Variants in CFAP47 observed in about 807,000 individuals in gnomAD.
The protein encoded by CFAP47 is cilia and flagella associated protein 47, also known as cilia- and flagella-associated protein 47.
Under a neutral mutation model 148.1 loss-of-function variants are expected in CFAP47, and 29 were observed. The ratio of observed to expected loss-of-function variants is 0.20; its 90% CI spans 0.15 to 0.27. The LOEUF is 0.27. CFAP47 is among the 10% of genes least tolerant of loss of function. The pLI, the probability that CFAP47 is intolerant of heterozygous loss-of-function variation, is 1.00. For synonymous variants in CFAP47, 664 were observed against 577.3 expected, an observed-to-expected ratio of 1.15 and a Z score of -2.15; for missense variants, 1,872 against 1,697.5, an observed-to-expected ratio of 1.10 and a Z score of -1.81.
At position 36,366,953 on chromosome X, in the gene CFAP47, T is replaced by C. The variant is rs1556020388; in HGVS notation, c.9024-13T>C. On this transcript the variant is annotated splice_polypyrimidine_tract_variant and intron_variant, in intron 61 of 63. Transcript: ENST00000378653. ...TCACGTAGTGTCATTTAAAATCTCCTTTTATATTCAAGGTCTCACATAACA... is the reference window on the plus strand; with the variant it reads ...TCACGTAGTGTCATTTAAAATCTCCCTTTATATTCAAGGTCTCACATAACA... 1.8e-6 allele frequency: 2 copies of C among 1,091,350 alleles called. No homozygotes were observed. The highest frequency in any genetic ancestry group is 2.4e-6 in the Non-Finnish European group (2 of 828,548). 89.9% of individuals were successfully genotyped at this position (1,091,350 alleles called of 1,213,427 possible).
At chrX:35,920,095 C>T in intron 1 of CFAP47, 47 bp downstream of exon 1, 1 of 1,125,521 alleles carries the variant, frequency 8.9e-7, no homozygotes, top group East Asian at 3.0e-5. Context: ...GAGAGCGCCT[C>T]CTCACACTGC....
rs1475376372 is a variant in CFAP47, at chrX:36,183,471, CTATACTAT to C, written c.6104+4052_6104+4059del. 2.7e-5 allele frequency among the ~76,000 whole-genome samples: 3 copies of C among 111,849 alleles called. No individual in the cohort carries two copies. In the Admixed American group the frequency reaches 2.8e-4, roughly 11 times the overall value. On this transcript the variant is annotated intron_variant, in intron 40 of 63. Coordinates refer to ENST00000378653, the MANE Select transcript of CFAP47 (RefSeq NM_001304548.2). ...GTATGTTATTGCAGCATGACCTAGC[CTATACTAT>C]TAACTGATACTCCTCCTCAGATTCA...
chrX:36,157,336 A>C (rs1376270181), intron 37 of CFAP47, among the ~76,000 whole-genome samples: 1 of 112,634 alleles, frequency 8.9e-6, no homozygotes, highest in East Asian at 2.8e-4. Flanking sequence ...TGTGACAGTC[A>C]CTATGATTTC....
chrX:36,317,074 C>T (rs1055408619), intron 56 of CFAP47, among the ~76,000 whole-genome samples: 1 of 112,069 alleles, frequency 8.9e-6, no homozygotes, highest in Non-Finnish European at 1.9e-5. Flanking sequence ...AGCCACTGCG[C>T]CCAGCCCTCA....
At chrX:36,230,449 A>T (rs1212400997) in intron 46 of CFAP47, among the ~76,000 whole-genome samples, 2 of 106,692 alleles carry the variant, frequency 1.9e-5, no homozygotes, top group Non-Finnish European at 3.8e-5. Flanking sequence ...CCACTTTTTG[A>T]TGGGGTTGTT....
intron 25 of CFAP47, among the ~76,000 whole-genome samples, chrX:36,041,597 G>A (rs1465181968): frequency 9.0e-6 from 1 of 111,250 alleles, no homozygotes; most frequent in Non-Finnish European, 1.9e-5. Flanking sequence ...GTCAGGAAAT[G>A]ACAGTATAGA....
chrX:36,037,338 TTTG>T (rs768498053), intron 24 of CFAP47, among the ~76,000 whole-genome samples: 7,124 of 106,087 alleles, frequency 0.067, 514 homozygotes, highest in African/African-American at 0.18. Flanking sequence ...AACTTTACTC[TTTG>T]TTGTTGTTGT....
intron 45 of CFAP47, chrX:36,211,349 C>A: frequency 3.9e-6 from 1 of 253,870 alleles, no homozygotes; most frequent in Non-Finnish European, 7.5e-6. Flanking sequence ...AAAATATATC[C>A]CTACTTAAAG....
intron 13 of CFAP47, 125 bp downstream of exon 13, chrX:35,972,090 C>A: frequency 2.2e-6 from 1 of 463,252 alleles, no homozygotes; most frequent in South Asian, 4.1e-5. Flanking sequence ...ATAAGAAGTC[C>A]TCAGAGTAGT....
At chrX:36,311,261 G>T (rs1345394602) in intron 56 of CFAP47, among the ~76,000 whole-genome samples, 2 of 110,715 alleles carry the variant, frequency 1.8e-5, no homozygotes, top group Non-Finnish European at 3.8e-5. Flanking sequence ...TAGTAGATTT[G>T]TAAGATTCTT....
At chrX:36,020,581 A>G (rs1034089054) in intron 22 of CFAP47, among the ~76,000 whole-genome samples, 1 of 112,107 alleles carries the variant, frequency 8.9e-6, no homozygotes, top group African/African-American at 3.2e-5. Context: ...CTTTATCATT[A>G]TATAGTGACC....
Position 35,983,487 on chromosome X carries a change from T to A in CFAP47, c.2714-5832T>A, listed in dbSNP as rs1411136577. On this transcript the variant is annotated intron_variant, in intron 15 of 63. Coordinates refer to ENST00000378653, the MANE Select transcript of CFAP47 (RefSeq NM_001304548.2). The stretch of plus-strand genomic sequence containing the variant: ...CTGGCTAGGACTTCTAGCACTACAC[T>A]GAATAGAAGTTGTGGGAATAGAAAT... Among the ~76,000 whole-genome samples the A allele has an allele frequency of 3.6e-5, 4 of 111,965 alleles. No homozygotes were observed. In the East Asian group the frequency reaches 1.1e-3, roughly 31 times the overall value.
chrX:36,274,926 G>A (rs782658380), intron 49 of CFAP47, among the ~76,000 whole-genome samples: 43 of 111,766 alleles, frequency 3.8e-4, no homozygotes, highest in Admixed American at 3.5e-3. Context: ...TAGAGGAAGA[G>A]CTTTCTGTCT....
intron 51 of CFAP47, among the ~76,000 whole-genome samples, chrX:36,296,340 A>G (rs934439688): frequency 1.8e-5 from 2 of 112,287 alleles, no homozygotes; most frequent in African/African-American, 6.5e-5. Context: ...CAAGACTTAT[A>G]TATGTAATAA....
chrX:36,011,999 T>C (rs1415927948), intron 21 of CFAP47, among the ~76,000 whole-genome samples: 1 of 111,677 alleles, frequency 9.0e-6, no homozygotes, highest in Non-Finnish European at 1.9e-5. Context: ...TACATTTAAG[T>C]TTTTAATCCA....
intron 57 of CFAP47, among the ~76,000 whole-genome samples, chrX:36,346,693 G>A (rs1351245828): frequency 1.8e-5 from 2 of 111,708 alleles, no homozygotes; most frequent in Non-Finnish European, 3.8e-5. Context: ...GGGTTTTGTG[G>A]CTCTTTTATC....
At chrX:36,101,911 A>G (rs1319673069) in intron 32 of CFAP47, among the ~76,000 whole-genome samples, 3 of 111,823 alleles carry the variant, frequency 2.7e-5, no homozygotes, top group African/African-American at 9.8e-5. Context: ...TAAGCCAAAT[A>G]TAATAGCAAA....
chrX:36,074,101 CT>C (rs1158007556), intron 29 of CFAP47, among the ~76,000 whole-genome samples: 12 of 111,493 alleles, frequency 1.1e-4, no homozygotes, highest in African/African-American at 3.6e-4. Flanking sequence ...TATATGTTAC[CT>C]TTTTCAGGTT....
At chrX:36,288,999 C>CTTTTTTTT (rs34230885) in intron 51 of CFAP47, among the ~76,000 whole-genome samples, 18 of 66,401 alleles carry the variant, frequency 2.7e-4, no homozygotes, top group East Asian at 4.9e-4. Flanking sequence ...TTCTTTCATC[C>CTTTTTTTT]TTTTTTTTTT....
Sources: gnomAD v4.1 joint callset for allele counts (sites outside exome capture counted in the v4.1 genomes callset) on GRCh38, gnomAD v4.1.1 for gene constraint, MANE v1.5 for transcripts, NCBI Gene and HGNC (gene_info 2026-07-23, HGNC 2026-07-21) for gene names.